Variants in ACOXL observed in about 807,000 individuals in gnomAD.
ACOXL encodes acyl-CoA oxidase like.
ACOXL carries 70 observed loss-of-function variants against 71.9 expected under a neutral mutation model. The ratio of observed to expected loss-of-function variants is 0.97; its 90% confidence interval spans 0.80 to 1.19. ACOXL has a LOEUF of 1.19. Among genes scored for constraint, ACOXL ranks in the 50% most tolerant of loss-of-function variants. The pLI is 0.00. For missense variants in ACOXL, 703 were observed against 736.3 expected, an observed-to-expected ratio of 0.95 and a Z score of 0.52; for synonymous variants, 253 against 281.6, an observed-to-expected ratio of 0.90 and a Z score of 1.02.
intron 12 of ACOXL, among the ~76,000 whole-genome samples, chr2:110,938,563 C>T (rs2060750718): frequency 6.6e-6 from 1 of 152,202 alleles, no homozygotes; most frequent in Non-Finnish European, 1.5e-5. Context: ...GGACCAAGTC[C>T]TTGATCACTA....
At chr2:111,076,178 T>C (rs773911389) in intron 16 of ACOXL, among the ~76,000 whole-genome samples, 3 of 152,224 alleles carry the variant, frequency 2.0e-5, no homozygotes, top group Non-Finnish European at 4.4e-5. Flanking sequence ...GTCCTATCTA[T>C]TACTGAAAGA....
chr2:110,947,380 C>T (rs1403652994), intron 12 of ACOXL, among the ~76,000 whole-genome samples: 1 of 152,200 alleles, frequency 6.6e-6, no homozygotes, highest in East Asian at 1.9e-4. Flanking sequence ...AGGGGGCATT[C>T]TAAGAGATGG....
At chr2:111,117,582 C>CATCT (rs755965044) in intron 17 of ACOXL, 34 bp from the exon 18 acceptor site, 1 of 1,550,478 alleles carries the variant, frequency 6.4e-7, no homozygotes, top group South Asian at 1.2e-5. Context: ...AGTGTGCCAA[C>CATCT]ATCTGACCTG....
chr2:111,061,791 A>G (rs1201938838), intron 16 of ACOXL, among the ~76,000 whole-genome samples: 1 of 152,138 alleles, frequency 6.6e-6, no homozygotes, highest in Non-Finnish European at 1.5e-5. Flanking sequence ...GAAAAGTTAT[A>G]TATACAAAAT....
intron 10 of ACOXL, among the ~76,000 whole-genome samples, chr2:110,841,637 A>C (rs1691190904): frequency 6.6e-6 from 1 of 152,134 alleles, no homozygotes; most frequent in Non-Finnish European, 1.5e-5. Flanking sequence ...CAAAACAAAC[A>C]AAAAAAGGGA....
At chr2:110,864,800 A>G (rs1437618790) in intron 10 of ACOXL, among the ~76,000 whole-genome samples, 1 of 152,088 alleles carries the variant, frequency 6.6e-6, no homozygotes, top group Admixed American at 6.5e-5. Context: ...AATCCAGCTC[A>G]CCCCATTGGA....
chr2:110,982,559 G>A (rs775629305), intron 12 of ACOXL, among the ~76,000 whole-genome samples: 1 of 152,164 alleles, frequency 6.6e-6, no homozygotes, highest in Non-Finnish European at 1.5e-5. Context: ...GAGTTAAAAT[G>A]CATGATGGTG....
chr2:110,754,879 A>G lies in ACOXL; in HGVS notation c.-22-13489A>G, dbSNP rs76096463. On this transcript the variant is annotated intron_variant, in intron 1 of 17. Transcript: ENST00000439055. ...GATTGCGATTGCACATGAAAAGTCT[A>G]TGTTTAACTTCATAACAAACTGTCA... Among the ~76,000 whole-genome samples the G allele has an allele frequency of 1.2e-3, 186 of 152,346 alleles. 2 individuals carry two copies. Among genetic ancestry groups the G allele is most frequent in the African/African-American group, 3.7e-3 (155 of 41,580 alleles).
intron 10 of ACOXL, among the ~76,000 whole-genome samples, chr2:110,867,716 A>G (rs1694777056): frequency 6.6e-6 from 1 of 152,126 alleles, no homozygotes; most frequent in African/African-American, 2.4e-5. Context: ...ATCAATATTA[A>G]ATACCTTTTG....
chr2:111,046,099 C>G (rs1163954691), intron 15 of ACOXL, among the ~76,000 whole-genome samples: 2 of 152,244 alleles, frequency 1.3e-5, no homozygotes, highest in Non-Finnish European at 2.9e-5. Context: ...TGTGTCACAT[C>G]AAGGCATCGA....
At chr2:110,874,144 C>G (rs1695607802) in intron 10 of ACOXL, among the ~76,000 whole-genome samples, 1 of 152,212 alleles carries the variant, frequency 6.6e-6, no homozygotes, top group Non-Finnish European at 1.5e-5. Flanking sequence ...GAGACCAGCC[C>G]CCACCCTCAG....
At chr2:110,778,834 G>T (rs1281433679) in intron 2 of ACOXL, among the ~76,000 whole-genome samples, 2 of 152,132 alleles carry the variant, frequency 1.3e-5, no homozygotes, top group African/African-American at 4.8e-5. Flanking sequence ...AACAATATTT[G>T]CTCATGGGCC....
At chr2:110,968,576 C>T (rs2062036271) in intron 12 of ACOXL, 1 of 951,130 alleles carries the variant, frequency 1.1e-6, no homozygotes, top group South Asian at 1.5e-5. Context: ...GCTGCTTATA[C>T]ATCAAGTCTA....
At chr2:110,741,956 A>G (rs1405762260) in intron 1 of ACOXL, among the ~76,000 whole-genome samples, 1 of 152,214 alleles carries the variant, frequency 6.6e-6, no homozygotes, top group East Asian at 1.9e-4. Flanking sequence ...TTTTCTTGCG[A>G]GTCTCACAAA....
At chr2:110,845,610 T>C (rs1038518351) in intron 10 of ACOXL, among the ~76,000 whole-genome samples, 1 of 152,246 alleles carries the variant, frequency 6.6e-6, no homozygotes, top group African/African-American at 2.4e-5. Context: ...CTTCACTTCC[T>C]GACAACCACC....
intron 12 of ACOXL, among the ~76,000 whole-genome samples, chr2:110,985,986 G>C (rs1369850331): frequency 3.9e-5 from 6 of 151,990 alleles, no homozygotes; most frequent in Admixed American, 3.9e-4. Context: ...AAGTTCGTGG[G>C]GATTTATTCT....
intron 5 of ACOXL, among the ~76,000 whole-genome samples, chr2:110,794,614 G>T (rs1287121240): frequency 6.6e-6 from 1 of 152,180 alleles, no homozygotes; most frequent in African/African-American, 2.4e-5. Flanking sequence ...TGAGTCTTCT[G>T]TACTGGGATC....
intron 17 of ACOXL, among the ~76,000 whole-genome samples, chr2:111,096,256 AG>A (rs2068794504): frequency 1.7e-5 from 2 of 120,908 alleles, no homozygotes; most frequent in South Asian, 2.8e-4. Context: ...ATTATTATTG[AG>A]ACAGAGTCTT....
intron 14 of ACOXL, among the ~76,000 whole-genome samples, chr2:111,004,754 G>C (rs2063794228): frequency 1.3e-5 from 2 of 152,194 alleles, no homozygotes; most frequent in Admixed American, 1.3e-4. Flanking sequence ...CAATAGCTTG[G>C]AAATGCCATT....
Sources: allele counts gnomAD v4.1 joint callset (sites outside exome capture counted in the v4.1 genomes callset), GRCh38; gene constraint gnomAD v4.1.1; transcripts MANE v1.5; gene names NCBI Gene and HGNC (gene_info 2026-07-23, HGNC 2026-07-21).